NUP188: variants seen among roughly 807,000 people sequenced by gnomAD.
NUP188 encodes the protein nucleoporin NUP188.
A neutral mutation model predicts 223.0 loss-of-function variants in NUP188; 97 were observed. The ratio of observed to expected loss-of-function variants is 0.43; its 90% confidence interval spans 0.37 to 0.51. The LOEUF is 0.51. Ranked by LOEUF, NUP188 falls within the 20% of genes least tolerant of loss-of-function variation. NUP188 has a pLI of 0.00. For missense variants in NUP188, 1,947 were observed against 2,175.6 expected, an observed-to-expected ratio of 0.89 and a Z score of 2.09; for synonymous variants, 869 against 828.0, an observed-to-expected ratio of 1.05 and a Z score of -0.85.
rs1842824588 is a variant in NUP188, at chr9:129,006,942, C to CA, written c.*265dup. ...CCCTAGAGGAACTTTCCTTCCTTTCCAGCATTCCCCACAGCACTGCCGGCC... is the reference window on the plus strand; with the variant it reads ...CCCTAGAGGAACTTTCCTTCCTTTCCAAGCATTCCCCACAGCACTGCCGGCC... On this transcript the variant is annotated 3_prime_UTR_variant, in exon 44 of 44. Coordinates refer to ENST00000372577, the MANE Select transcript of NUP188 (RefSeq NM_015354.3). 1 of 390,848 alleles carries CA rather than the reference C, an allele frequency of 2.6e-6. No individual in the cohort carries two copies. The highest frequency in any genetic ancestry group is 4.1e-5 in the East Asian group (1 of 24,186). 24.2% of individuals were successfully genotyped at this position (390,848 alleles called of 1,614,324 possible). A position where few individuals can be genotyped will look rare whatever the true frequency, so the allele number is the denominator to read the frequency against.
chr9:128,983,060 C>T (rs891084604), intron 17 of NUP188, 32 bp downstream of exon 17: 4 of 1,611,316 alleles, frequency 2.5e-6, no homozygotes, highest in African/African-American at 1.3e-5. Flanking sequence ...CTCAGCTGCC[C>T]AGTAGAGATC....
In NUP188 at chr9:129,006,599, C is replaced by T; in HGVS notation, c.5171C>T (p.Ser1724Phe). The change falls in exon 44 of 44, where the codon TCT becomes TTT. Residue 1724 changes from serine (S) to phenylalanine (F), a missense_variant. This residue lies in a region of NUP188 where 905 missense variants were observed against 990.6 expected (regional missense o/e 0.91). Transcript: ENST00000372577. ...VLPSPQGKST[S>F]LSKASPESQE... ...CCCTCGCCGCAGGGCAAGTCCACCT[C>T]TCTCTCCAAAGCCAGCCCTGAGAGT... is the stretch of plus-strand genomic sequence containing the variant. 1 of 1,614,214 alleles carries T rather than the reference C, an allele frequency of 6.2e-7. No individual in the cohort carries two copies. The highest frequency in any genetic ancestry group is 1.1e-5 in the South Asian group (1 of 91,088).
chr9:128,985,081 A>C lies in NUP188; in HGVS notation c.2076+67A>C, dbSNP rs543598817. On this transcript the variant is annotated intron_variant, in intron 20 of 43. Transcript: ENST00000372577. ...GTCCAGTCTTGTCAGATGACTCTGA[A>C]ATAGTTTCCCTGGCCCCTGGTGCTG... The C allele has an allele frequency of 4.7e-4, 533 of 1,135,674 alleles. 2 individuals carry two copies. Among genetic ancestry groups the C allele is most frequent in the East Asian group, 2.1e-4 (9 of 41,970 alleles). 70.3% of individuals were successfully genotyped at this position (1,135,674 alleles called of 1,614,324 possible).
In NUP188 at chr9:128,952,801, A is replaced by G. The variant is rs1187482811; in HGVS notation, c.116A>G (p.His39Arg). The change falls in exon 3 of 44, where the codon CAT (histidine) becomes CGT (arginine). Residue 39 changes from histidine to arginine, a missense_variant. This residue lies in a region of NUP188 where 817 missense variants were observed against 865.8 expected (regional missense o/e 0.94). Coordinates refer to ENST00000372577, the MANE Select transcript of NUP188 (RefSeq NM_015354.3). ...LSQIEAELNKHWRRLLEGLSY... is the reference protein window; with the variant it reads ...LSQIEAELNKRWRRLLEGLSY... ...CAGATTGAGGCAGAACTGAATAAAC[A>G]TTGGCGGCGATTGTTAGAGGGGCTT... The G allele has an allele frequency of 1.2e-6, 2 of 1,613,740 alleles. No individual in the cohort carries two copies. Among genetic ancestry groups the G allele is most frequent in the South Asian group, 2.2e-5 (2 of 91,080 alleles).
At chr9:128,997,869 C>A (rs938252280) in intron 30 of NUP188, among the ~76,000 whole-genome samples, 1 of 151,772 alleles carries the variant, frequency 6.6e-6, no homozygotes, top group African/African-American at 2.4e-5. Context: ...TACAGGTGCG[C>A]GCCACCATGC....
At chr9:128,974,849 C>T (rs1364833165) in intron 12 of NUP188, among the ~76,000 whole-genome samples, 1 of 151,874 alleles carries the variant, frequency 6.6e-6, no homozygotes, top group East Asian at 1.9e-4. Context: ...ACCTGCACCC[C>T]CTGGGCTTAG....
intron 3 of NUP188, 36 bp downstream of exon 3, chr9:128,952,882 T>C: frequency 6.5e-7 from 1 of 1,531,228 alleles, no homozygotes; most frequent in Non-Finnish European, 9.1e-7. Context: ...AAAGTAATTG[T>C]CCTAAGGAAG....
chr9:129,005,110 C>T, intron 38 of NUP188, 37 bp from the exon 39 acceptor site: 1 of 1,558,626 alleles, frequency 6.4e-7, no homozygotes, highest in Non-Finnish European at 8.8e-7. Flanking sequence ...GGGCTGCTGA[C>T]AAGAGAATCC....
chr9:128,965,962 T>C (rs1842021445), intron 8 of NUP188, among the ~76,000 whole-genome samples: 1 of 151,078 alleles, frequency 6.6e-6, no homozygotes, highest in Non-Finnish European at 1.5e-5. Context: ...CACGCCCAGC[T>C]TTTTTTGTAT....
intron 2 of NUP188, among the ~76,000 whole-genome samples, chr9:128,950,230 TTTG>T (rs778540594): frequency 2.0e-5 from 3 of 151,344 alleles, no homozygotes; most frequent in Non-Finnish European, 4.4e-5. Context: ...GCTACGTTTT[TTTG>T]TTGTTGTTGA....
intron 12 of NUP188, among the ~76,000 whole-genome samples, chr9:128,976,207 A>G (rs745340482): frequency 6.6e-6 from 1 of 152,130 alleles, no homozygotes; most frequent in Non-Finnish European, 1.5e-5. Flanking sequence ...TGCTTATTCT[A>G]ATAGCCTTGG....
intron 8 of NUP188, among the ~76,000 whole-genome samples, chr9:128,959,456 G>A (rs549693283): frequency 6.6e-6 from 1 of 150,880 alleles, no homozygotes; most frequent in South Asian, 2.1e-4. Flanking sequence ...ACTCTTAGGA[G>A]AATTGTATAC....
At chr9:128,972,062 G>A (rs1588276785) in intron 11 of NUP188, among the ~76,000 whole-genome samples, 3 of 152,252 alleles carry the variant, frequency 2.0e-5, no homozygotes, top group East Asian at 1.9e-4. Context: ...GTGAGCCACC[G>A]TGCCCGGCCA....
intron 22 of NUP188, among the ~76,000 whole-genome samples, chr9:128,987,196 C>T (rs1442626705): frequency 2.7e-5 from 4 of 150,842 alleles, no homozygotes; most frequent in Non-Finnish European, 5.9e-5. Flanking sequence ...TCATTCCTGA[C>T]GAGACACTCT....
In NUP188 at chr9:129,002,814, T is replaced by C. The variant is rs772702894; in HGVS notation, c.4138-3T>C. 1 of 1,613,506 alleles carries C rather than the reference T, an allele frequency of 6.2e-7. No homozygotes were observed. On this transcript the variant is annotated splice_region_variant and splice_polypyrimidine_tract_variant and intron_variant, in intron 36 of 43. Transcript: ENST00000372577. The stretch of plus-strand genomic sequence containing the variant: ...CTGAGCTTGTCTGCTGTTTGTATCT[T>C]AGACACCTAGTGCCTCTCGGAAGTC...
chr9:129,003,042 G>T (rs1206107619), intron 37 of NUP188, 67 bp downstream of exon 37: 33 of 1,552,812 alleles, frequency 2.1e-5, no homozygotes, highest in Non-Finnish European at 2.8e-5. Flanking sequence ...CCATTCATGG[G>T]GCAGGTGGGT....
rs17485450 is a variant in NUP188, at chr9:128,953,395, G to T, written c.161+549G>T. ...AAATAAAGAGAATGCAGCTTGTAGG[G>T]CTGGGCTTATTTGATCTTGATTCCT... On this transcript the variant is annotated intron_variant, in intron 3 of 43. Coordinates refer to ENST00000372577, the MANE Select transcript of NUP188 (RefSeq NM_015354.3). Among the ~76,000 whole-genome samples the T allele has an allele frequency of 9.5e-3, 1,444 of 152,278 alleles. 19 individuals carry two copies. The highest frequency in any genetic ancestry group is 0.033 in the African/African-American group (1,366 of 41,546).
In NUP188 at chr9:128,979,354, A is replaced by G. The variant is rs11564103; in HGVS notation, c.1269+27A>G. On this transcript the variant is annotated intron_variant, in intron 13 of 43. Transcript: ENST00000372577. ...TAAGTATGTCAGAGAGAGTCACTGC[A>G]TAGCAAAAGAATTGTTCAAACACTT... 10,641 of 1,533,912 alleles carry G rather than the reference A, an allele frequency of 6.9e-3. 400 individuals carry two copies. The African/African-American group carries it at 0.1, about 15-fold the overall frequency.
chr9:128,994,183 G>C (rs1842478693), intron 27 of NUP188, among the ~76,000 whole-genome samples, 190 bp from the exon 28 acceptor site: 1 of 152,148 alleles, frequency 6.6e-6, no homozygotes. Flanking sequence ...GCATAAGTGT[G>C]ATTCATGAGA....
Sources: gnomAD v4.1 joint callset for allele counts (sites outside exome capture counted in the v4.1 genomes callset) on GRCh38, gnomAD v4.1.1 for gene constraint, gnomAD v4.1.1 regional missense constraint, MANE v1.5 for transcripts, NCBI Gene and HGNC (gene_info 2026-07-23, HGNC 2026-07-21) for gene names.